MYCBP2: variants seen among roughly 807,000 people sequenced by gnomAD.
The protein encoded by MYCBP2 is MYC binding protein 2.
MYCBP2 carries 120 observed loss-of-function variants against 525.3 expected under a neutral mutation model. That is an observed-to-expected ratio of 0.23 (90% CI 0.20 to 0.27). The LOEUF is 0.27. MYCBP2 is among the 10% of genes least tolerant of loss of function. The pLI, the probability that MYCBP2 is intolerant of heterozygous loss-of-function variation, is 1.00. For missense variants in MYCBP2, 4,149 were observed against 5,657.1 expected (o/e 0.73, Z 8.55); for synonymous variants, 1,894 against 1,955.8 (o/e 0.97, Z 0.83).
intron 26 of MYCBP2, among the ~76,000 whole-genome samples, chr13:77,199,882 A>T (rs1235639607): frequency 6.6e-6 from 1 of 152,068 alleles, no homozygotes; most frequent in East Asian, 1.9e-4. Context: ...CACACCAAAA[A>T]CCCATCTGTA....
intron 1 of MYCBP2, among the ~76,000 whole-genome samples, chr13:77,308,693 C>A (rs2079766815): frequency 6.6e-6 from 1 of 152,086 alleles, no homozygotes; most frequent in East Asian, 1.9e-4. Flanking sequence ...GAGAGGTGAT[C>A]CCAGGAAAAA....
At chr13:77,095,848 T>C (rs2046159411) in intron 57 of MYCBP2, among the ~76,000 whole-genome samples, 2 of 152,170 alleles carry the variant, frequency 1.3e-5, no homozygotes, top group Admixed American at 1.3e-4. Context: ...ACTAGTTAAA[T>C]CTAAATGTAA....
chr13:77,116,565 C>A (rs2049815557), intron 55 of MYCBP2, among the ~76,000 whole-genome samples: 2 of 151,920 alleles, frequency 1.3e-5, no homozygotes, highest in South Asian at 4.1e-4. Context: ...TAGAGACGTC[C>A]TGTTGCGAAT....
chr13:77,265,868 TATCTTCAGGA>T (rs1451366911), intron 8 of MYCBP2, among the ~76,000 whole-genome samples: 1 of 152,200 alleles, frequency 6.6e-6, no homozygotes, highest in African/African-American at 2.4e-5. Flanking sequence ...TTTAAGCTTG[TATCTTCAGGA>T]ATATATCAAG....
chr13:77,096,305 A>G lies in MYCBP2; in HGVS notation c.9954+7T>C. 1 of 1,612,684 alleles carries G rather than the reference A, an allele frequency of 6.2e-7. No homozygotes were observed. The highest frequency in any genetic ancestry group is 8.5e-7 in the Non-Finnish European group (1 of 1,179,142). Reference sequence around the variant, plus strand: ...TTAAAAGTATAGCTCCAAATGGAATAAAATACCTTCTCCCTTGCAGCAGCC... The same window carrying G: ...TTAAAAGTATAGCTCCAAATGGAATGAAATACCTTCTCCCTTGCAGCAGCC... On this transcript the variant is annotated splice_region_variant and intron_variant, in intron 57 of 82. Transcript: ENST00000544440.
rs76514084 is a variant in MYCBP2, at chr13:77,251,807, A to G, written c.2177-452T>C. ...CCAGTGACCTTCCAAGGTCTTCAGA[A>G]GAACAAAACTCAGCAAGAGGCAGTA... On this transcript the variant is annotated intron_variant, in intron 14 of 82. Transcript: ENST00000544440. Among the ~76,000 whole-genome samples the G allele has an allele frequency of 2.4e-3, 364 of 152,306 alleles. 2 individuals carry two copies. The highest frequency in any genetic ancestry group is 8.3e-3 in the African/African-American group (346 of 41,572).
chr13:77,222,905 T>C (rs2065791700), intron 20 of MYCBP2, among the ~76,000 whole-genome samples: 1 of 152,158 alleles, frequency 6.6e-6, no homozygotes, highest in Non-Finnish European at 1.5e-5. Context: ...GGAGAAACCA[T>C]AGAAGTCCCC....
chr13:77,076,931 C>T, intron 67 of MYCBP2, 82 bp from the exon 68 acceptor site: 1 of 1,204,672 alleles, frequency 8.3e-7, no homozygotes, highest in Non-Finnish European at 1.2e-6. Context: ...GCTGATTCCG[C>T]AGGTTTTATA....
chr13:77,138,058 A>C (rs1368023208), intron 52 of MYCBP2, among the ~76,000 whole-genome samples: 1 of 152,232 alleles, frequency 6.6e-6, no homozygotes, highest in Non-Finnish European at 1.5e-5. Context: ...AGGAAAATTT[A>C]ATAAGACGTA....
rs192120439 is a variant in MYCBP2, at chr13:77,181,779, T to A, written c.4863A>T (p.Lys1621Asn). Residue 1621 changes from lysine to asparagine, a missense_variant, in exon 33 of 83, where the codon AAA (lysine) becomes AAT (asparagine). Lys to Asn is a moderately conservative substitution (Grantham distance 94, BLOSUM62 0). Around this residue, in one of 21 missense-constraint regions of MYCBP2, gnomAD observed 292 missense variants for 330.5 expected, o/e 0.88. Transcript: ENST00000544440. Reference protein sequence around the residue: ...DGEVLLRSIVKQVSTENDSTL... With the variant: ...DGEVLLRSIVNQVSTENDSTL... ...TTGAGTCGTTCTCTGTACTAACTTG[T>A]TTAACAATTGATCGTAGTAATACTT... 18 of 1,614,128 alleles carry A rather than the reference T, an allele frequency of 1.1e-5. No homozygotes were observed. In the African/African-American group the frequency reaches 1.9e-4, roughly 17 times the overall value.
chr13:77,136,275 T>C (rs1158053247), intron 52 of MYCBP2, among the ~76,000 whole-genome samples: 1 of 152,220 alleles, frequency 6.6e-6, no homozygotes, highest in African/African-American at 2.4e-5. Flanking sequence ...GGCAATGTAA[T>C]AGAGTATCTC....
In MYCBP2 at chr13:77,180,008, T is replaced by A. The variant is rs538178068; in HGVS notation, c.5133+119A>T. 424 of 701,028 alleles carry A rather than the reference T, an allele frequency of 6.0e-4. 1 individual carries two copies. In the African/African-American group the frequency reaches 7.1e-3, roughly 12 times the overall value. 43.4% of individuals were successfully genotyped at this position (701,028 alleles called of 1,614,324 possible). A position where few individuals can be genotyped will look rare whatever the true frequency, so the allele number is the denominator to read the frequency against. On this transcript the variant is annotated intron_variant, in intron 34 of 82. Coordinates refer to ENST00000544440, the MANE Select transcript of MYCBP2 (RefSeq NM_015057.5). ...AAAGGCAAAAAAGAAAAACAATGCA[T>A]TGGGGTTGCTAATCCAATCTGAAAT...
chr13:77,211,303 T>C lies in MYCBP2; in HGVS notation c.3280A>G (p.Ile1094Val), dbSNP rs773155235. Reference sequence around the variant, plus strand: ...CATTTAAATGGAGGAGGTTCTGATATAGAAGCAGGTACCAAGCCTTAAGAA... The same window carrying C: ...CATTTAAATGGAGGAGGTTCTGATACAGAAGCAGGTACCAAGCCTTAAGAA... Reference protein sequence around the residue: ...KHIIGLVPASISEPPPFKCLL... With the variant: ...KHIIGLVPASVSEPPPFKCLL... The change falls in exon 23 of 83, where the codon ATA becomes GTA. Residue 1094 changes from isoleucine (I) to valine (V), a missense_variant. Ile to Val is a conservative substitution (Grantham distance 29). This residue lies in a region of MYCBP2 where 620 missense variants were observed against 795.5 expected (regional missense o/e 0.78). Coordinates refer to ENST00000544440, the MANE Select transcript of MYCBP2 (RefSeq NM_015057.5). 1.4e-5 allele frequency: 21 copies of C among 1,470,946 alleles called. No homozygotes were observed. In the Admixed American group the frequency reaches 2.3e-4, roughly 16 times the overall value. 91.1% of individuals were successfully genotyped at this position (1,470,946 alleles called of 1,614,324 possible).
chr13:77,119,477 A>G (rs2050324700), intron 55 of MYCBP2, among the ~76,000 whole-genome samples: 1 of 152,164 alleles, frequency 6.6e-6, no homozygotes, highest in African/African-American at 2.4e-5. Context: ...GAAATAATAA[A>G]TAAATGCTGT....
Position 77,144,442 on chromosome 13 carries a change from T to C in MYCBP2, c.7303+3A>G. 1 of 1,597,706 alleles carries C rather than the reference T, an allele frequency of 6.3e-7. No individual in the cohort carries two copies. The highest frequency in any genetic ancestry group is 8.6e-7 in the Non-Finnish European group (1 of 1,165,682). On this transcript the variant is annotated splice_donor_region_variant and intron_variant, in intron 49 of 82. Coordinates refer to ENST00000544440, the MANE Select transcript of MYCBP2 (RefSeq NM_015057.5). ...TAGTAGCTCATGGCTTTAAAGAAAATACCGATTTCAATGCCATCAATGGTA... is the reference window on the plus strand; with the variant it reads ...TAGTAGCTCATGGCTTTAAAGAAAACACCGATTTCAATGCCATCAATGGTA...
At chr13:77,221,821 G>A (rs1428697620) in intron 20 of MYCBP2, among the ~76,000 whole-genome samples, 1 of 152,110 alleles carries the variant, frequency 6.6e-6, no homozygotes, top group Non-Finnish European at 1.5e-5. Context: ...CATCCATGGG[G>A]AATTGGTTCC....
chr13:77,202,504 A>G (rs1309217491), intron 26 of MYCBP2, among the ~76,000 whole-genome samples: 1 of 152,098 alleles, frequency 6.6e-6, no homozygotes, highest in Non-Finnish European at 1.5e-5. Flanking sequence ...AAACTATTCC[A>G]ATCAATAGAA....
At chr13:77,301,055 C>T (rs1452241457) in intron 1 of MYCBP2, among the ~76,000 whole-genome samples, 2 of 152,114 alleles carry the variant, frequency 1.3e-5, no homozygotes, top group Non-Finnish European at 2.9e-5. Flanking sequence ...GCTCTAGATA[C>T]ATAGACAGCT....
At chr13:77,273,411 T>C in intron 5 of MYCBP2, 61 bp downstream of exon 5, 1 of 1,435,886 alleles carries the variant, frequency 7.0e-7, no homozygotes, top group African/African-American at 1.4e-5. Flanking sequence ...TTGACAGAAA[T>C]TGAGACGAAA....
Sources: allele counts gnomAD v4.1 joint callset (sites outside exome capture counted in the v4.1 genomes callset), GRCh38; gene constraint gnomAD v4.1.1; regional missense constraint gnomAD v4.1.1; transcripts MANE v1.5; gene names NCBI Gene and HGNC (gene_info 2026-07-23, HGNC 2026-07-21).